PALM2AKAP2: variants seen among roughly 807,000 people sequenced by gnomAD.
PALM2AKAP2 encodes PALM2-AKAP2 fusion protein.
In PALM2AKAP2, 37 loss-of-function variants were observed where a neutral mutation model predicts 71.5. That is an observed-to-expected ratio of 0.52 (90% confidence interval 0.40 to 0.68). The LOEUF is 0.68. Among genes scored for constraint, PALM2AKAP2 ranks in the 30% least tolerant of loss-of-function variants. The probability of loss-of-function intolerance (pLI) is 0.00; values close to 1 mark genes in which losing one functional copy is unlikely to be tolerated. For missense variants in PALM2AKAP2, 1,224 were observed against 1,191.8 expected, an observed-to-expected ratio of 1.03 and a Z score of -0.40; for synonymous variants, 468 against 478.8, an observed-to-expected ratio of 0.98 and a Z score of 0.29.
intron 1 of PALM2AKAP2, among the ~76,000 whole-genome samples, chr9:109,742,927 C>T (rs1413310349): frequency 6.6e-6 from 1 of 152,186 alleles, no homozygotes; most frequent in Non-Finnish European, 1.5e-5. Flanking sequence ...AGCCTGTTGC[C>T]AAGACCCAGG....
chr9:109,878,980 G>A (rs1216817596), intron 2 of PALM2AKAP2, among the ~76,000 whole-genome samples: 6 of 152,090 alleles, frequency 3.9e-5, no homozygotes, highest in East Asian at 1.9e-4. Context: ...CAGGTGATAC[G>A]CCTGCCTTGG....
chr9:110,092,304 T>C (rs1834732687), intron 1 of PALM2AKAP2, among the ~76,000 whole-genome samples: 1 of 152,132 alleles, frequency 6.6e-6, no homozygotes, highest in Non-Finnish European at 1.5e-5. Context: ...CGCATTCCAG[T>C]CTGAGTGACA....
At chr9:110,168,672 C>T in exon 4 of PALM2AKAP2, 1 of 756,660 alleles carries the variant, frequency 1.3e-6, no homozygotes, top group Non-Finnish European at 2.0e-6. Context: ...AGGAAGTCCC[C>T]CCATCAGACT....
At chr9:109,925,567 A>T (rs1830939246) in intron 5 of PALM2AKAP2, among the ~76,000 whole-genome samples, 1 of 151,994 alleles carries the variant, frequency 6.6e-6, no homozygotes, top group Admixed American at 6.5e-5. Flanking sequence ...TGATCAGACA[A>T]CTGTCGTTTC....
intron 1 of PALM2AKAP2, among the ~76,000 whole-genome samples, chr9:109,694,232 T>C (rs1278313408): frequency 6.6e-6 from 1 of 152,066 alleles, no homozygotes; most frequent in Non-Finnish European, 1.5e-5. Context: ...ATGAGTACTT[T>C]AAAACTTTCC....
exon 2 of PALM2AKAP2, chr9:110,136,719 G>A (rs1459723331): frequency 6.2e-7 from 1 of 1,614,196 alleles, no homozygotes. Context: ...AGCTCACGGT[G>A]TTCTTCCCGA....
intron 1 of PALM2AKAP2, among the ~76,000 whole-genome samples, chr9:109,766,409 A>C (rs987979816): frequency 6.6e-6 from 1 of 152,220 alleles, no homozygotes; most frequent in African/African-American, 2.4e-5. Flanking sequence ...GAAGATTAAA[A>C]TGGGAATGAC....
chr9:109,888,398 A>T (rs1220986655), intron 3 of PALM2AKAP2, among the ~76,000 whole-genome samples: 1 of 152,158 alleles, frequency 6.6e-6, no homozygotes, highest in African/African-American at 2.4e-5. Context: ...TGCCAAGAAC[A>T]GCAGGTTGTC....
At chr9:109,785,511 T>C (rs1483565392) in intron 1 of PALM2AKAP2, among the ~76,000 whole-genome samples, 2 of 152,128 alleles carry the variant, frequency 1.3e-5, no homozygotes, top group Non-Finnish European at 2.9e-5. Flanking sequence ...GACTGGGTAA[T>C]TTATAAGGAA....
intron 1 of PALM2AKAP2, among the ~76,000 whole-genome samples, chr9:109,759,293 A>G (rs1160084278): frequency 6.6e-6 from 1 of 151,990 alleles, no homozygotes; most frequent in Non-Finnish European, 1.5e-5. Flanking sequence ...ATGTATCCTC[A>G]TTTCTTCATT....
At chr9:109,686,956 C>G (rs1471065288) in intron 1 of PALM2AKAP2, among the ~76,000 whole-genome samples, 2 of 151,782 alleles carry the variant, frequency 1.3e-5, no homozygotes, top group African/African-American at 4.8e-5. Context: ...TGATAGTTTG[C>G]TGAGAATGAT....
intron 6 of PALM2AKAP2, among the ~76,000 whole-genome samples, chr9:109,940,478 CAAA>C (rs1831333327): frequency 6.6e-6 from 1 of 152,100 alleles, no homozygotes; most frequent in African/African-American, 2.4e-5. Context: ...GGAATCTTAA[CAAA>C]AGCAGAAGAT....
intron 1 of PALM2AKAP2, among the ~76,000 whole-genome samples, chr9:109,721,094 G>C (rs916841624): frequency 1.4e-4 from 21 of 152,266 alleles, no homozygotes; most frequent in African/African-American, 4.1e-4. Flanking sequence ...CTTTGGCCCT[G>C]GTGCTGTATT....
chr9:109,746,104 A>G, intron 1 of PALM2AKAP2, among the ~76,000 whole-genome samples: 1 of 152,254 alleles, frequency 6.6e-6, no homozygotes, highest in East Asian at 1.9e-4. Flanking sequence ...CTGCTTAACG[A>G]CTTGCTCGGG....
intron 6 of PALM2AKAP2, among the ~76,000 whole-genome samples, chr9:110,010,501 A>G (rs1337632025): frequency 1.4e-5 from 2 of 147,962 alleles, no homozygotes; most frequent in Non-Finnish European, 3.0e-5. Context: ...AATAGTTAAT[A>G]TAGCAATATA....
chr9:110,126,115 G>A (rs1835599912), intron 1 of PALM2AKAP2, among the ~76,000 whole-genome samples: 1 of 152,138 alleles, frequency 6.6e-6, no homozygotes, highest in South Asian at 2.1e-4. Flanking sequence ...GGAATGTGTG[G>A]TGCTTGTCTC....
intron 3 of PALM2AKAP2, among the ~76,000 whole-genome samples, chr9:109,908,808 G>GTGCACACA (rs1554725489): frequency 6.7e-6 from 1 of 150,116 alleles, no homozygotes; most frequent in East Asian, 2.0e-4. Context: ...GGATGCGTGT[G>GTGCACACA]CACACACACA....
intron 1 of PALM2AKAP2, chr9:109,867,162 C>CTGTGTG (rs747500773): frequency 3.9e-5 from 15 of 381,334 alleles, no homozygotes; most frequent in African/African-American, 3.3e-4. Flanking sequence ...GAACATGGTT[C>CTGTGTG]TCTGTGTGTG....
chr9:109,942,201 G>A (rs1831386385), intron 6 of PALM2AKAP2, among the ~76,000 whole-genome samples: 1 of 152,204 alleles, frequency 6.6e-6, no homozygotes, highest in Non-Finnish European at 1.5e-5. Flanking sequence ...GTGGAGGATA[G>A]CCATGACCCA....
Sources: gnomAD v4.1 joint callset for allele counts (sites outside exome capture counted in the v4.1 genomes callset) on GRCh38, gnomAD v4.1.1 for gene constraint, MANE v1.5 for transcripts, NCBI Gene and HGNC (gene_info 2026-07-23, HGNC 2026-07-21) for gene names.